COPA: variants seen among roughly 807,000 people sequenced by gnomAD.
COPA encodes the protein coatomer subunit alpha.
COPA carries 10 observed loss-of-function variants against 158.7 expected under a neutral mutation model. That is an observed-to-expected ratio of 0.06 (90% CI 0.04 to 0.11). COPA has a LOEUF of 0.11. Among genes scored for constraint, COPA ranks in the 10% least tolerant of loss-of-function variants. The pLI is 1.00. For missense variants in COPA, 1,065 were observed against 1,536.7 expected, an observed-to-expected ratio of 0.69 and a Z score of 5.13; for synonymous variants, 462 against 542.8, an observed-to-expected ratio of 0.85 and a Z score of 2.07.
Position 160,299,228 on chromosome 1 carries a change from G to T in COPA, c.1704C>A (p.Ile568=), listed in dbSNP as rs1234929314. Residue 568 remains isoleucine (I), a synonymous_variant, in exon 18 of 33, where the codon ATC becomes ATA. Transcript: ENST00000241704. ...HGIIRTLDLP[I]YVTRVKGNNV... is the part of the protein sequence containing the mutation. ...TGTTGCCCTTCACCCGTGTGACATAGATGGGTAAATCCAGAGTTCGAATGA... is the reference window on the plus strand; with the variant it reads ...TGTTGCCCTTCACCCGTGTGACATATATGGGTAAATCCAGAGTTCGAATGA... 1 of 1,614,070 alleles carries T rather than the reference G, an allele frequency of 6.2e-7. No individual in the cohort carries two copies. Among genetic ancestry groups the T allele is most frequent in the Non-Finnish European group, 8.5e-7 (1 of 1,179,938 alleles).
intron 14 of COPA, 58 bp downstream of exon 14, chr1:160,307,105 A>T (rs1658813253): frequency 6.5e-7 from 1 of 1,531,876 alleles, no homozygotes; most frequent in Admixed American, 1.7e-5. Context: ...ATTTTGCAAT[A>T]CACAGGCCAC....
chr1:160,322,007 AT>A (rs1276233633), intron 8 of COPA, among the ~76,000 whole-genome samples: 1 of 152,184 alleles, frequency 6.6e-6, no homozygotes, highest in African/African-American at 2.4e-5. Flanking sequence ...TTGAAAGAAT[AT>A]TGTAAAAATG....
intron 8 of COPA, among the ~76,000 whole-genome samples, chr1:160,318,495 A>AAAAAAAAAAAAAAAAAAG (rs1659230262): frequency 1.4e-5 from 2 of 139,128 alleles, no homozygotes; most frequent in Admixed American, 7.1e-5. Flanking sequence ...AAAAAAACAA[A>AAAAAAAAAAAAAAAAAAG]AAAAAAAAAA....
At chr1:160,305,808 T>A in intron 15 of COPA, 35 bp from the exon 16 acceptor site, 1 of 1,551,154 alleles carries the variant, frequency 6.4e-7, no homozygotes, top group South Asian at 1.1e-5. Context: ...CATGAATGGA[T>A]CTATTTCCCT....
intron 12 of COPA, 57 bp downstream of exon 12, chr1:160,310,134 TA>T: frequency 9.1e-7 from 1 of 1,103,154 alleles, no homozygotes; most frequent in Non-Finnish European, 1.3e-6. Context: ...CCTAAGGGCA[TA>T]AGAAAGAGAC....
intron 13 of COPA, 25 bp from the exon 14 acceptor site, chr1:160,307,270 G>A: frequency 6.2e-7 from 1 of 1,609,796 alleles, no homozygotes; most frequent in Non-Finnish European, 8.5e-7. Flanking sequence ...ACCAAAGGGT[G>A]GGAGCATGTG....
At chr1:160,335,175 G>T in intron 4 of COPA, 67 bp downstream of exon 4, 2 of 1,394,316 alleles carry the variant, frequency 1.4e-6, no homozygotes, top group Non-Finnish European at 2.0e-6. Context: ...GGTTCTCAAG[G>T]ATCAAATAAA....
At chr1:160,296,640 C>G (rs531207226) in intron 21 of COPA, among the ~76,000 whole-genome samples, 1 of 152,304 alleles carries the variant, frequency 6.6e-6, no homozygotes, top group African/African-American at 2.4e-5. Flanking sequence ...CCTAGCTAAG[C>G]CATGCCACAA....
chr1:160,324,626 G>A (rs1403288303), intron 7 of COPA, among the ~76,000 whole-genome samples: 1 of 151,772 alleles, frequency 6.6e-6, no homozygotes, highest in Non-Finnish European at 1.5e-5. Flanking sequence ...TTATTCTTTC[G>A]TAAGTATACA....
intron 8 of COPA, among the ~76,000 whole-genome samples, chr1:160,323,013 ACAC>A (rs1395694412): frequency 3.9e-5 from 6 of 151,952 alleles, no homozygotes; most frequent in Non-Finnish European, 7.4e-5. Flanking sequence ...ACACACACAC[ACAC>A]AATGGAATAT....
Position 160,290,692 on chromosome 1 carries a change from G to C in COPA, c.3421-6C>G. 6.2e-7 allele frequency: 1 copy of C among 1,613,678 alleles called. No individual in the cohort carries two copies. Among genetic ancestry groups the C allele is most frequent in the African/African-American group, 1.3e-5 (1 of 75,008 alleles). Reference sequence around the variant, plus strand: ...GCAGACAGGATTTTTCGGGTCTAGGGGAAGGAAGGAGTATTTAGGAGGACA... The same window carrying C: ...GCAGACAGGATTTTTCGGGTCTAGGCGAAGGAAGGAGTATTTAGGAGGACA... On this transcript the variant is annotated splice_region_variant and splice_polypyrimidine_tract_variant and intron_variant, in intron 31 of 32. Coordinates refer to ENST00000241704, the MANE Select transcript of COPA (RefSeq NM_004371.4).
intron 8 of COPA, among the ~76,000 whole-genome samples, chr1:160,317,957 C>T (rs576347854): frequency 2.0e-5 from 3 of 152,160 alleles, no homozygotes; most frequent in Admixed American, 1.3e-4. Flanking sequence ...GAGAGCCCAC[C>T]TTTTTCAGGA....
At chr1:160,294,907 A>T in intron 23 of COPA, 50 bp from the exon 24 acceptor site, 1 of 1,520,714 alleles carries the variant, frequency 6.6e-7, no homozygotes, top group East Asian at 2.2e-5. Context: ...AGCAAGTCTG[A>T]GATACGGCCT....
At chr1:160,329,838 G>A (rs1647420171) in intron 6 of COPA, among the ~76,000 whole-genome samples, 1 of 152,110 alleles carries the variant, frequency 6.6e-6, no homozygotes, top group African/African-American at 2.4e-5. Context: ...GCCGGCCAGG[G>A]GCAGTGGCTC....
chr1:160,299,291 T>G lies in COPA; in HGVS notation c.1668-27A>C, dbSNP rs755182720. On this transcript the variant is annotated intron_variant, in intron 17 of 32. Coordinates refer to ENST00000241704, the MANE Select transcript of COPA (RefSeq NM_004371.4). ...TAAGAACAGAGGGCACAGCTTTCAG[T>G]AAGTGAGAGGGAAAATCCATCCTGT... is the stretch of plus-strand genomic sequence containing the variant. The G allele has an allele frequency of 5.6e-5, 89 of 1,585,018 alleles. 1 individual carries two copies. The highest frequency in any genetic ancestry group is 7.0e-5 in the Admixed American group (4 of 57,310).
intron 19 of COPA, 24 bp downstream of exon 19, chr1:160,298,821 G>A: frequency 6.2e-7 from 1 of 1,613,458 alleles, no homozygotes; most frequent in Non-Finnish European, 8.5e-7. Flanking sequence ...GACAATATGG[G>A]GCTGATGACC....
At chr1:160,313,243 G>A in intron 9 of COPA, 76 bp from the exon 10 acceptor site, 7 of 1,298,894 alleles carry the variant, frequency 5.4e-6, no homozygotes, top group Non-Finnish European at 7.7e-6. Context: ...AATATTAAAT[G>A]GTAAGCCAGC....
At position 160,289,203 on chromosome 1, in the gene COPA, T is replaced by C. The variant is rs547750782; in HGVS notation, c.*954A>G. 6.6e-6 allele frequency: 1 copy of C among 151,958 alleles called. No individual in the cohort carries two copies. Among genetic ancestry groups the C allele is most frequent in the South Asian group, 2.1e-4 (1 of 4,810 alleles). 9.4% of individuals were successfully genotyped at this position (151,958 alleles called of 1,614,324 possible). A position where few individuals can be genotyped will look rare whatever the true frequency, so the allele number is the denominator to read the frequency against. ...TTAAAAATTATTACTGGAAGGAAGA[T>C]ATGTACTTTGGTGGGGTGCCTGCAT... On this transcript the variant is annotated 3_prime_UTR_variant, in exon 33 of 33. Coordinates refer to ENST00000241704, the MANE Select transcript of COPA (RefSeq NM_004371.4).
intron 5 of COPA, 42 bp downstream of exon 5, chr1:160,333,560 GA>G: frequency 2.8e-6 from 4 of 1,437,306 alleles, no homozygotes; most frequent in Non-Finnish European, 2.9e-6. Context: ...GAAAAACTAG[GA>G]AAAATGAAGA....
Sources: gnomAD v4.1 joint callset for allele counts (sites outside exome capture counted in the v4.1 genomes callset) on GRCh38, gnomAD v4.1.1 for gene constraint, MANE v1.5 for transcripts, NCBI Gene and HGNC (gene_info 2026-07-23, HGNC 2026-07-21) for gene names.